Variants in GNG7 observed in about 807,000 individuals in gnomAD.
The protein encoded by GNG7 is G protein subunit gamma 7, also known as guanine nucleotide-binding protein G(I)/G(S)/G(O) subunit gamma-7.
A neutral mutation model predicts 4.0 loss-of-function variants in GNG7; 1 was observed. The observed-to-expected ratio is 0.25, with a 90% CI of 0.09 to 1.18. The LOEUF is 1.18. Among genes scored for constraint, GNG7 ranks in the 50% most tolerant of loss-of-function variants. The pLI, the probability that GNG7 is intolerant of heterozygous loss-of-function variation, is 0.50. For missense variants in GNG7, 86 were observed against 91.9 expected (o/e 0.94, Z 0.26); for synonymous variants, 34 against 36.9 (o/e 0.92, Z 0.29).
chr19:2,584,751 GGAT>G, intron 2 of GNG7, among the ~76,000 whole-genome samples: 4 of 48,096 alleles, frequency 8.3e-5, no homozygotes, highest in African/African-American at 2.6e-4. Flanking sequence ...AGGGAGGGAC[GGAT>G]GGAGGGAGGG....
chr19:2,621,523 C>T (rs957115459), intron 2 of GNG7, among the ~76,000 whole-genome samples: 1 of 151,870 alleles, frequency 6.6e-6, no homozygotes, highest in African/African-American at 2.4e-5. Flanking sequence ...CATGGACAAA[C>T]CTCATCTCTA....
intron 3 of GNG7, among the ~76,000 whole-genome samples, chr19:2,532,294 T>C (rs527654226): frequency 2.0e-5 from 3 of 152,092 alleles, no homozygotes; most frequent in Non-Finnish European, 4.4e-5. Context: ...GAATTTTCGC[T>C]GCAAATTGGA....
intron 1 of GNG7, among the ~76,000 whole-genome samples, chr19:2,699,974 A>G (rs1913361602): frequency 6.6e-6 from 1 of 152,050 alleles, no homozygotes; most frequent in Admixed American, 6.6e-5. Context: ...ACGAGCTTTG[A>G]GACTCTCCTG....
chr19:2,692,241 C>A (rs1381838929), intron 1 of GNG7, among the ~76,000 whole-genome samples: 4 of 152,238 alleles, frequency 2.6e-5, no homozygotes, highest in African/African-American at 9.6e-5. Flanking sequence ...CTGTGCCCAG[C>A]AGACTCTGCC....
chr19:2,673,272 ACAAAAC>A (rs1568281160), intron 1 of GNG7, among the ~76,000 whole-genome samples: 1 of 141,612 alleles, frequency 7.1e-6, no homozygotes, highest in African/African-American at 2.9e-5. Context: ...AAAAAACAAA[ACAAAAC>A]AAAACAAAAC....
At chr19:2,567,640 T>C (rs2144776232) in intron 2 of GNG7, among the ~76,000 whole-genome samples, 1 of 152,238 alleles carries the variant, frequency 6.6e-6, no homozygotes, top group South Asian at 2.1e-4. Context: ...TCCTCTGTCG[T>C]ATCCTACTTA....
In GNG7 at chr19:2,553,716, T is replaced by C. The variant is rs1979434402; in HGVS notation, c.-38+1433A>G. ...ACATGTGCACATTACATATAATATA[T>C]TACATATATGTACATATTACATGCA... On this transcript the variant is annotated intron_variant, in intron 3 of 4. Coordinates refer to ENST00000382159, the MANE Select transcript of GNG7 (RefSeq NM_052847.3). Among the ~76,000 whole-genome samples the C allele has an allele frequency of 2.0e-5, 3 of 148,724 alleles. 1 individual carries two copies.
At chr19:2,659,592 TAA>T (rs879035849) in intron 1 of GNG7, among the ~76,000 whole-genome samples, 1,091 of 43,400 alleles carry the variant, frequency 0.025, 12 homozygotes, top group African/African-American at 0.076. Context: ...GACTCCATCT[TAA>T]AAAAAAAAAA....
chr19:2,537,707 G>A (rs1978787355), intron 3 of GNG7, among the ~76,000 whole-genome samples: 1 of 151,730 alleles, frequency 6.6e-6, no homozygotes, highest in South Asian at 2.1e-4. Flanking sequence ...CGGGAAACTG[G>A]CCCTGGAGTG....
intron 1 of GNG7, among the ~76,000 whole-genome samples, chr19:2,659,266 G>T (rs922255954): frequency 2.0e-5 from 3 of 150,016 alleles, no homozygotes; most frequent in African/African-American, 7.3e-5. Context: ...ACTGCGCCTG[G>T]CCTTGATTTT....
chr19:2,517,280 T>C (rs1972749046), intron 4 of GNG7, among the ~76,000 whole-genome samples: 1 of 152,076 alleles, frequency 6.6e-6, no homozygotes, highest in Non-Finnish European at 1.5e-5. Context: ...TGGGCTCAAG[T>C]GATTCTCCCG....
At position 2,609,789 on chromosome 19, in the gene GNG7, AC is replaced by A. The variant is rs1435110182; in HGVS notation, c.-78+36434del. Reference sequence around the variant, plus strand: ...CAGAGCTCACAGCTGCAGACTGGCCACCGTAGGACAATCCAGTGGGACCTGG... The same window carrying A: ...CAGAGCTCACAGCTGCAGACTGGCCACGTAGGACAATCCAGTGGGACCTGG... On this transcript the variant is annotated intron_variant, in intron 2 of 4. Coordinates refer to ENST00000382159, the MANE Select transcript of GNG7 (RefSeq NM_052847.3). This position sits in a 1 kb window ranked among gnomAD's most constrained non-coding sequence, Gnocchi z 4.4. Among the ~76,000 whole-genome samples, 1 of 152,086 alleles carries A rather than the reference AC, an allele frequency of 6.6e-6. No individual in the cohort carries two copies. Among genetic ancestry groups the A allele is most frequent in the Non-Finnish European group, 1.5e-5 (1 of 67,986 alleles).
At chr19:2,524,118 G>T (rs1055852725) in intron 3 of GNG7, among the ~76,000 whole-genome samples, 1 of 152,252 alleles carries the variant, frequency 6.6e-6, no homozygotes, top group African/African-American at 2.4e-5. Flanking sequence ...TCCTTGGAAG[G>T]CCAGGGGGTC....
intron 2 of GNG7, among the ~76,000 whole-genome samples, chr19:2,563,071 A>C (rs113789280): frequency 0.36 from 54,598 of 151,642 alleles, 10,294 homozygotes; most frequent in Non-Finnish European, 0.42. Flanking sequence ...CAGCCTCCCA[A>C]GTAGCTGGGA....
At chr19:2,526,071 C>T (rs948176999) in intron 3 of GNG7, among the ~76,000 whole-genome samples, 2 of 150,794 alleles carry the variant, frequency 1.3e-5, no homozygotes, top group Non-Finnish European at 2.9e-5. Flanking sequence ...CCAGGGTTCA[C>T]GCCATTCTCC....
At chr19:2,700,170 C>G (rs1008429227) in intron 1 of GNG7, among the ~76,000 whole-genome samples, 12 of 146,040 alleles carry the variant, frequency 8.2e-5, no homozygotes, top group Non-Finnish European at 1.8e-4. Context: ...GAGGCAGAGT[C>G]TCTCTCTGTT....
In GNG7 at chr19:2,633,495, A is replaced by G. The variant is rs1316546542; in HGVS notation, c.-78+12729T>C. On this transcript the variant is annotated intron_variant, in intron 2 of 4. Coordinates refer to ENST00000382159, the MANE Select transcript of GNG7 (RefSeq NM_052847.3). The surrounding 1 kb of genome is among the most constrained non-coding windows in gnomAD (Gnocchi z 5.9). The stretch of plus-strand genomic sequence containing the variant: ...GGCGCGCGCGCGCGCGCGCACACAC[A>G]CACACACACACACACACACACACAC... Among the ~76,000 whole-genome samples the G allele has an allele frequency of 0.04, 4,578 of 114,476 alleles. 244 individuals are homozygous for G. Among genetic ancestry groups the G allele is most frequent in the African/African-American group, 0.16 (4,359 of 27,502 alleles). 75.1% of individuals were successfully genotyped at this position (114,476 alleles called of 152,430 possible).
At chr19:2,525,794 G>C (rs765811921) in intron 3 of GNG7, among the ~76,000 whole-genome samples, 87 of 152,124 alleles carry the variant, frequency 5.7e-4, no homozygotes, top group African/African-American at 2.1e-3. Context: ...TGAAAAGTTA[G>C]AATGAAAGCA....
At chr19:2,537,525 G>A (rs1978780732) in intron 3 of GNG7, among the ~76,000 whole-genome samples, 1 of 152,080 alleles carries the variant, frequency 6.6e-6, no homozygotes, top group African/African-American at 2.4e-5. Context: ...GTGAGCCATG[G>A]CACCTGGCTA....
Sources: allele counts gnomAD v4.1 joint callset (sites outside exome capture counted in the v4.1 genomes callset), GRCh38; gene constraint gnomAD v4.1.1; non-coding constraint Gnocchi (gnomAD v3.1); transcripts MANE v1.5; gene names NCBI Gene and HGNC (gene_info 2026-07-23, HGNC 2026-07-21).